The following PRKG1 variants were observed in gnomAD, a reference collection of about 807,000 sequenced individuals.
PRKG1 encodes cGMP-dependent protein kinase 1.
Under a neutral mutation model 88.1 loss-of-function variants are expected in PRKG1, and 35 were observed. The observed-to-expected ratio is 0.40, with a 90% CI of 0.30 to 0.53. PRKG1 has a LOEUF of 0.53. Among genes scored for constraint, PRKG1 ranks in the 20% least tolerant of loss-of-function variants. The pLI is 0.59. For synonymous variants in PRKG1, 303 were observed against 292.5 expected, an observed-to-expected ratio of 1.04 and a Z score of -0.37; for missense variants, 540 against 839.8, an observed-to-expected ratio of 0.64 and a Z score of 4.41.
At chr10:51,454,217 T>C (rs1202880785) in intron 2 of PRKG1, among the ~76,000 whole-genome samples, 1 of 151,948 alleles carries the variant, frequency 6.6e-6, no homozygotes, top group Admixed American at 6.6e-5. Flanking sequence ...ATACCATCAG[T>C]GTTCTTCATA....
intron 5 of PRKG1, among the ~76,000 whole-genome samples, chr10:51,965,192 T>C (rs532606011): frequency 6.6e-6 from 1 of 152,322 alleles, no homozygotes; most frequent in African/African-American, 2.4e-5. Context: ...GTATTAAGCC[T>C]AGTTACCATT....
intron 2 of PRKG1, among the ~76,000 whole-genome samples, chr10:51,364,404 C>A (rs1312741760): frequency 1.3e-5 from 2 of 152,024 alleles, no homozygotes; most frequent in African/African-American, 4.8e-5. Flanking sequence ...AGGCTATTGA[C>A]AATAACCTTC....
chr10:51,123,048 A>G lies in PRKG1; in HGVS notation c.312-30116A>G, dbSNP rs1471891907. On this transcript the variant is annotated intron_variant, in intron 1 of 17. Transcript: ENST00000373980. ...ATTATTCAACAAAAGCCCCAATTCT[A>G]TAATAGGTTCTTCTGACACTGTTGT... is the stretch of plus-strand genomic sequence containing the variant. 3.9e-5 allele frequency among the ~76,000 whole-genome samples: 6 copies of G among 152,176 alleles called. No homozygotes were observed. The East Asian group carries it at 7.7e-4, about 20-fold the overall frequency.
intron 9 of PRKG1, among the ~76,000 whole-genome samples, chr10:52,174,559 AT>A (rs1469807136): frequency 2.0e-5 from 3 of 152,052 alleles, no homozygotes; most frequent in Non-Finnish European, 2.9e-5. Context: ...CGTACTTCAA[AT>A]TTTAAAAAAC....
chr10:51,855,803 G>A (rs1840665881), intron 4 of PRKG1, among the ~76,000 whole-genome samples: 1 of 152,018 alleles, frequency 6.6e-6, no homozygotes, highest in South Asian at 2.1e-4. Flanking sequence ...AGCGTTTATT[G>A]GAAACAAAAC....
chr10:52,004,558 C>T (rs535464291), intron 5 of PRKG1, among the ~76,000 whole-genome samples: 16 of 152,206 alleles, frequency 1.1e-4, no homozygotes, highest in Admixed American at 3.3e-4. Context: ...GAATATGATT[C>T]TTATGTATGT....
chr10:51,075,624 A>G (rs1334226366), intron 1 of PRKG1, among the ~76,000 whole-genome samples: 2 of 152,252 alleles, frequency 1.3e-5, no homozygotes, highest in Non-Finnish European at 2.9e-5. Context: ...CCATCTCCCA[A>G]GAGGTGGTTG....
At chr10:51,719,712 T>G (rs1009444966) in intron 3 of PRKG1, among the ~76,000 whole-genome samples, 3 of 152,218 alleles carry the variant, frequency 2.0e-5, no homozygotes, top group African/African-American at 7.2e-5. Context: ...ATACCTGGGT[T>G]GTGTATGATG....
At chr10:51,626,936 C>T (rs537258573) in intron 3 of PRKG1, among the ~76,000 whole-genome samples, 1 of 152,116 alleles carries the variant, frequency 6.6e-6, no homozygotes. Flanking sequence ...CATTCATTCA[C>T]TCAACCAGCC....
At chr10:51,484,709 A>G (rs1840479320) in intron 3 of PRKG1, among the ~76,000 whole-genome samples, 1 of 152,232 alleles carries the variant, frequency 6.6e-6, no homozygotes. Flanking sequence ...AGTTAACCCT[A>G]GAGTGCTAAG....
intron 3 of PRKG1, among the ~76,000 whole-genome samples, chr10:51,730,790 C>T (rs1842252565): frequency 6.6e-6 from 1 of 152,186 alleles, no homozygotes; most frequent in African/African-American, 2.4e-5. Context: ...AAAATTAAAC[C>T]TGTTTATTCA....
At chr10:51,992,004 A>C (rs1844324066) in intron 5 of PRKG1, among the ~76,000 whole-genome samples, 1 of 152,214 alleles carries the variant, frequency 6.6e-6, no homozygotes, top group Non-Finnish European at 1.5e-5. Context: ...TCCAAGCACC[A>C]AGTCAAAGGT....
At chr10:51,544,391 T>A (rs950199400) in intron 3 of PRKG1, among the ~76,000 whole-genome samples, 1 of 152,092 alleles carries the variant, frequency 6.6e-6, no homozygotes, top group African/African-American at 2.4e-5. Flanking sequence ...GAACTAATCC[T>A]TTTTTATGGC....
chr10:52,120,715 C>G (rs184060151), intron 7 of PRKG1, among the ~76,000 whole-genome samples: 7 of 152,314 alleles, frequency 4.6e-5, no homozygotes, highest in Non-Finnish European at 1.0e-4. Context: ...CCCCAGACCT[C>G]AGGCAGCCCC....
At chr10:51,329,532 T>G (rs920674899) in intron 2 of PRKG1, among the ~76,000 whole-genome samples, 2 of 152,222 alleles carry the variant, frequency 1.3e-5, no homozygotes, top group Non-Finnish European at 2.9e-5. Context: ...GTTTTATACT[T>G]TCAGAGTTTT....
At position 51,989,857 on chromosome 10, in the gene PRKG1, G is replaced by T. The variant is rs551960835; in HGVS notation, c.763-64627G>T. 3.3e-5 allele frequency among the ~76,000 whole-genome samples: 5 copies of T among 152,080 alleles called. No individual in the cohort carries two copies. The East Asian group carries it at 9.7e-4, about 29-fold the overall frequency. On this transcript the variant is annotated intron_variant, in intron 5 of 17. Coordinates refer to ENST00000373980, the MANE Select transcript of PRKG1 (RefSeq NM_006258.4). ...GTGCATTTGTTGCCTATGCTTTTGG[G>T]CCCTATCCAAAAATATCATTGCCCA... is the stretch of plus-strand genomic sequence containing the variant.
intron 2 of PRKG1, among the ~76,000 whole-genome samples, chr10:51,197,670 T>C (rs1837805259): frequency 6.6e-6 from 1 of 151,990 alleles, no homozygotes; most frequent in South Asian, 2.1e-4. Context: ...ATATACATAG[T>C]ATATACACTC....
At chr10:51,707,409 G>A (rs1173883312) in intron 3 of PRKG1, among the ~76,000 whole-genome samples, 6 of 152,120 alleles carry the variant, frequency 3.9e-5, no homozygotes, top group African/African-American at 4.8e-5. Context: ...GGCAGACGTA[G>A]GCCATTTATT....
intron 2 of PRKG1, among the ~76,000 whole-genome samples, chr10:51,186,954 T>TTTTATATATATATATATATATA (rs1318166640): frequency 7.6e-6 from 1 of 131,260 alleles, no homozygotes; most frequent in African/African-American, 3.0e-5. Context: ...AGGCCCTGTG[T>TTTTATATATATATATATATATA]TATATATATA....
Sources: gnomAD v4.1 joint callset for allele counts (sites outside exome capture counted in the v4.1 genomes callset) on GRCh38, gnomAD v4.1.1 for gene constraint, MANE v1.5 for transcripts, NCBI Gene and HGNC (gene_info 2026-07-23, HGNC 2026-07-21) for gene names.